The following AGBL4 variants were observed in gnomAD, a reference collection of about 807,000 sequenced individuals.
The protein encoded by AGBL4 is AGBL carboxypeptidase 4, also known as cytosolic carboxypeptidase 6.
AGBL4 carries 58 observed loss-of-function variants against 66.4 expected under a neutral mutation model. That is an observed-to-expected ratio of 0.87 (90% CI 0.71 to 1.09). AGBL4 has a LOEUF of 1.09. AGBL4 is among the 50% of genes least tolerant of loss of function. AGBL4 has a pLI of 0.00. For missense variants in AGBL4, 579 were observed against 631.0 expected, an observed-to-expected ratio of 0.92 and a Z score of 0.88; for synonymous variants, 234 against 222.9, an observed-to-expected ratio of 1.05 and a Z score of -0.44.
chr1:48,940,836 T>C (rs1655907275), intron 5 of AGBL4, among the ~76,000 whole-genome samples: 1 of 152,202 alleles, frequency 6.6e-6, no homozygotes, highest in African/African-American at 2.4e-5. Flanking sequence ...GTCCTTTCTA[T>C]CTTAGAAAGC....
intron 3 of AGBL4, among the ~76,000 whole-genome samples, chr1:49,495,448 G>A (rs1182335071): frequency 1.3e-5 from 2 of 151,776 alleles, no homozygotes; most frequent in East Asian, 3.9e-4. Context: ...ATGGCCCAGG[G>A]AATCCAAAAG....
chr1:49,897,780 A>C (rs1460228632), intron 1 of AGBL4, among the ~76,000 whole-genome samples: 1 of 151,976 alleles, frequency 6.6e-6, no homozygotes, highest in East Asian at 1.9e-4. Flanking sequence ...AAACATAGAA[A>C]AATGGAGCAG....
At chr1:49,154,473 A>G (rs775509642) in intron 4 of AGBL4, among the ~76,000 whole-genome samples, 17 of 152,140 alleles carry the variant, frequency 1.1e-4, no homozygotes, top group Non-Finnish European at 2.5e-4. Flanking sequence ...TTCTAGACTG[A>G]CCTCAACACT....
At chr1:49,152,967 T>C (rs1463616267) in intron 4 of AGBL4, among the ~76,000 whole-genome samples, 3 of 151,928 alleles carry the variant, frequency 2.0e-5, no homozygotes, top group Admixed American at 2.0e-4. Flanking sequence ...TGCCTCACAA[T>C]CAGAATGGAG....
chr1:48,597,049 G>A (rs1246612824), intron 9 of AGBL4, among the ~76,000 whole-genome samples: 3 of 152,060 alleles, frequency 2.0e-5, no homozygotes, highest in African/African-American at 7.2e-5. Flanking sequence ...ATTCCTCCAG[G>A]TGAGAATGCT....
At chr1:48,647,259 T>G (rs745722204) in intron 8 of AGBL4, among the ~76,000 whole-genome samples, 3 of 152,132 alleles carry the variant, frequency 2.0e-5, no homozygotes, top group Non-Finnish European at 2.9e-5. Context: ...CCACCCCACC[T>G]CCACACTCCC....
chr1:48,597,852 A>G (rs1422429646), intron 9 of AGBL4, among the ~76,000 whole-genome samples: 1 of 151,068 alleles, frequency 6.6e-6, no homozygotes, highest in African/African-American at 2.4e-5. Context: ...AAAGGAAGGA[A>G]GGAAAGAAAA....
chr1:49,662,076 TA>T (rs1439920177), intron 3 of AGBL4, among the ~76,000 whole-genome samples: 2 of 151,710 alleles, frequency 1.3e-5, no homozygotes, highest in African/African-American at 4.8e-5. Context: ...AATAATAATA[TA>T]TTATTTCTTT....
rs372499446 is a variant in AGBL4 at position 49,784,323 on chromosome 1, C to T, written c.157+67073G>A. 3.4e-4 allele frequency among the ~76,000 whole-genome samples: 52 copies of T among 152,142 alleles called. 1 individual carries two copies. The South Asian group carries it at 9.5e-3, about 28-fold the overall frequency. ...TAGAACTGAGAGTCCAGAAATAAATCCTTACATTTATGGTCAATTGATTTT... is the reference window on the plus strand; with the variant it reads ...TAGAACTGAGAGTCCAGAAATAAATTCTTACATTTATGGTCAATTGATTTT... On this transcript the variant is annotated intron_variant, in intron 2 of 13. Coordinates refer to ENST00000371839, the MANE Select transcript of AGBL4 (RefSeq NM_032785.4).
intron 6 of AGBL4, among the ~76,000 whole-genome samples, chr1:48,700,813 G>T (rs1646789553): frequency 1.3e-5 from 2 of 152,170 alleles, no homozygotes; most frequent in African/African-American, 4.8e-5. Flanking sequence ...TACAAGGCAG[G>T]AAACTGAGTC....
At chr1:49,046,088 A>T (rs1389363612) in intron 4 of AGBL4, among the ~76,000 whole-genome samples, 2 of 152,222 alleles carry the variant, frequency 1.3e-5, no homozygotes, top group Admixed American at 1.3e-4. Flanking sequence ...AGCACTTAAC[A>T]TATGTGGCAT....
chr1:49,637,409 T>C (rs1279607840), intron 3 of AGBL4, among the ~76,000 whole-genome samples: 6 of 152,094 alleles, frequency 3.9e-5, no homozygotes, highest in Non-Finnish European at 8.8e-5. Context: ...CAAGCAATTC[T>C]CCTGCCTCAG....
intron 1 of AGBL4, among the ~76,000 whole-genome samples, chr1:49,974,877 C>G (rs1012351953): frequency 6.6e-6 from 1 of 152,056 alleles, no homozygotes; most frequent in East Asian, 1.9e-4. Context: ...GGAAAAAACA[C>G]TGGAATAGAA....
In AGBL4 at chr1:49,204,346, C is replaced by G. The variant is rs989344671; in HGVS notation, c.377+41424G>C. Among the ~76,000 whole-genome samples the G allele has an allele frequency of 4.6e-5, 7 of 152,164 alleles. No individual in the cohort carries two copies. The South Asian group carries it at 1.5e-3, about 32-fold the overall frequency. The stretch of plus-strand genomic sequence containing the variant: ...AGTGCAGTGGTGTAATCACGGCTCA[C>G]TGCAGCCTTGAATTCCTGGCCTCAA... On this transcript the variant is annotated intron_variant, in intron 4 of 13. Coordinates refer to ENST00000371839, the MANE Select transcript of AGBL4 (RefSeq NM_032785.4).
intron 3 of AGBL4, among the ~76,000 whole-genome samples, chr1:49,401,272 T>G (rs573018948): frequency 2.0e-5 from 3 of 152,158 alleles, no homozygotes; most frequent in Non-Finnish European, 4.4e-5. Flanking sequence ...TTGTGAGAAC[T>G]CACTCAGTAT....
chr1:49,569,991 C>T (rs1213321037), intron 3 of AGBL4, among the ~76,000 whole-genome samples: 1 of 152,082 alleles, frequency 6.6e-6, no homozygotes, highest in East Asian at 1.9e-4. Flanking sequence ...TGTTGATGAA[C>T]ACTTAGGTTG....
intron 1 of AGBL4, among the ~76,000 whole-genome samples, chr1:49,952,654 T>C (rs1314455279): frequency 1.3e-5 from 2 of 151,866 alleles, no homozygotes; most frequent in Non-Finnish European, 2.9e-5. Flanking sequence ...CAAATATAAA[T>C]GAAAACAGGA....
intron 5 of AGBL4, among the ~76,000 whole-genome samples, chr1:48,893,581 A>G (rs1348891692): frequency 1.3e-5 from 2 of 151,916 alleles, no homozygotes. Flanking sequence ...GCTACTCGGG[A>G]GGCTGAGGCA....
At chr1:49,467,555 T>C (rs564605240) in intron 3 of AGBL4, among the ~76,000 whole-genome samples, 1 of 151,946 alleles carries the variant, frequency 6.6e-6, no homozygotes, top group South Asian at 2.1e-4. Context: ...ACGTCAACTA[T>C]GAGCAATGCA....
Sources: gnomAD v4.1 joint callset for allele counts (sites outside exome capture counted in the v4.1 genomes callset) on GRCh38, gnomAD v4.1.1 for gene constraint, MANE v1.5 for transcripts, NCBI Gene and HGNC (gene_info 2026-07-23, HGNC 2026-07-21) for gene names.